The following MECR variants were observed in gnomAD, a reference collection of about 807,000 sequenced individuals.
MECR encodes enoyl-[acyl-carrier-protein] reductase, mitochondrial.
Under a neutral mutation model 49.1 loss-of-function variants are expected in MECR, and 37 were observed. The observed-to-expected ratio is 0.75, with a 90% CI of 0.58 to 0.99. The LOEUF is 0.99. Ranked by LOEUF, MECR falls within the 50% of genes least tolerant of loss-of-function variation. The pLI, the probability that MECR is intolerant of heterozygous loss-of-function variation, is 0.00. For synonymous variants in MECR, 198 were observed against 191.1 expected (o/e 1.04, Z -0.30); for missense variants, 470 against 479.6 (o/e 0.98, Z 0.19).
chr1:29,202,417 C>T (rs573423428), intron 5 of MECR, among the ~76,000 whole-genome samples: 1 of 152,176 alleles, frequency 6.6e-6, no homozygotes, highest in African/African-American at 2.4e-5. Context: ...ACAGTCTAGA[C>T]CAGGAGTGGC....
At chr1:29,208,287 C>T (rs557522349) in intron 3 of MECR, among the ~76,000 whole-genome samples, 10 of 152,310 alleles carry the variant, frequency 6.6e-5, no homozygotes, top group South Asian at 6.2e-4. Flanking sequence ...CCACTGCGCC[C>T]GGCCTGACTC....
the MECR span, among the ~76,000 whole-genome samples, chr1:29,187,211 A>G: frequency 6.6e-6 from 1 of 152,000 alleles, no homozygotes; most frequent in Non-Finnish European, 1.5e-5. Flanking sequence ...TTAACGCAAG[A>G]GCTTTTCTCT....
intron 4 of MECR, among the ~76,000 whole-genome samples, chr1:29,206,130 A>G (rs1676519672): frequency 6.6e-6 from 1 of 152,214 alleles, no homozygotes; most frequent in Non-Finnish European, 1.5e-5. Flanking sequence ...CACTGTGTGA[A>G]GTATTATGCT....
chr1:29,203,553 C>T (rs1675853639), intron 4 of MECR, among the ~76,000 whole-genome samples: 1 of 152,214 alleles, frequency 6.6e-6, no homozygotes, highest in Non-Finnish European at 1.5e-5. Context: ...CAAGTCTTTA[C>T]TTAGGTTATT....
chr1:29,211,568 C>T (rs539556955), intron 3 of MECR, among the ~76,000 whole-genome samples: 1 of 152,348 alleles, frequency 6.6e-6, no homozygotes, highest in African/African-American at 2.4e-5. Flanking sequence ...TTGCAAAGAT[C>T]ATTGCATATA....
the MECR span, chr1:29,181,765 A>G: frequency 1.9e-6 from 3 of 1,567,568 alleles, no homozygotes; most frequent in Non-Finnish European, 2.6e-6. Flanking sequence ...CGGCAACGGC[A>G]GTGATGGCTG....
the MECR span, among the ~76,000 whole-genome samples, chr1:29,180,525 T>C: frequency 5.9e-5 from 9 of 152,228 alleles, no homozygotes; most frequent in African/African-American, 1.9e-4. Context: ...TAGGTAACTT[T>C]CAAAATGTTT....
Position 29,201,933 on chromosome 1 carries a change from T to A in MECR, c.756+10A>T. ...TGGACTGGAGGGGCAATGTCCCTCT[T>A]CCTAGGTACCTTAAAGAAGTTTTTC... On this transcript the variant is annotated intron_variant, in intron 6 of 9. Transcript: ENST00000263702. This position sits in a 1 kb window ranked among gnomAD's most constrained non-coding sequence, Gnocchi z 4.3. 6.2e-7 allele frequency: 1 copy of A among 1,608,128 alleles called. No individual in the cohort carries two copies. The highest frequency in any genetic ancestry group is 8.5e-7 in the Non-Finnish European group (1 of 1,174,502).
At chr1:29,210,480 ACAC>A (rs987636259) in intron 3 of MECR, among the ~76,000 whole-genome samples, 18 of 152,216 alleles carry the variant, frequency 1.2e-4, no homozygotes, top group Non-Finnish European at 2.2e-4. Flanking sequence ...ATCTCAGCTA[ACAC>A]TTACTGTACT....
Position 29,193,741 on chromosome 1 carries a change from G to A in MECR, c.*281C>T. 2.8e-6 allele frequency: 1 copy of A among 355,496 alleles called. No homozygotes were observed. The highest frequency in any genetic ancestry group is 3.9e-5 in the South Asian group (1 of 25,856). The allele number at this position is 355,496 out of a possible 1,614,324, so 22.0% of individuals were successfully genotyped here. A position where few individuals can be genotyped will look rare whatever the true frequency, so the allele number is the denominator to read the frequency against. On this transcript the variant is annotated 3_prime_UTR_variant, in exon 10 of 10. Coordinates refer to ENST00000263702, the MANE Select transcript of MECR (RefSeq NM_016011.5). ...TACTGGGGGAACACATGACAGAAAA[G>A]CAGGAAGGGGGCCTCTTGGTGCTGT...
intron 1 of MECR, among the ~76,000 whole-genome samples, chr1:29,220,333 G>A (rs1178982754): frequency 1.3e-5 from 2 of 152,052 alleles, no homozygotes; most frequent in Non-Finnish European, 2.9e-5. Context: ...CCTGGGAGGT[G>A]GAGGTTGCAA....
chr1:29,223,707 T>A lies in MECR; in HGVS notation c.177-7022A>T, dbSNP rs78408790. Among the ~76,000 whole-genome samples the A allele has an allele frequency of 4.1e-3, 618 of 152,352 alleles. 3 individuals are homozygous for A. The highest frequency in any genetic ancestry group is 0.014 in the African/African-American group (590 of 41,582). ...GTCCCCTGGTCACCAAACTGCCTTC[T>A]GTGATTCAGTGAAATGCCTGGTGTG... is the stretch of plus-strand genomic sequence containing the variant. On this transcript the variant is annotated intron_variant, in intron 1 of 9. Coordinates refer to ENST00000263702, the MANE Select transcript of MECR (RefSeq NM_016011.5).
chr1:29,195,933 G>A lies in MECR; in HGVS notation c.964+8C>T. On this transcript the variant is annotated splice_region_variant and intron_variant, in intron 9 of 9. Coordinates refer to ENST00000263702, the MANE Select transcript of MECR (RefSeq NM_016011.5). ...TCTGTGACTCTTGGCACTGGGCCAT[G>A]CACTCACCTGGACTGTGATCCTTCT... is the stretch of plus-strand genomic sequence containing the variant. 1 of 1,614,118 alleles carries A rather than the reference G, an allele frequency of 6.2e-7. No individual in the cohort carries two copies. Among genetic ancestry groups the A allele is most frequent in the East Asian group, 2.2e-5 (1 of 44,888 alleles).
At chr1:29,187,805 G>C (rs1415782686), downstream of MECR, among the ~76,000 whole-genome samples, 1 of 150,692 alleles carries the variant, frequency 6.6e-6, no homozygotes, top group Non-Finnish European at 1.5e-5. Flanking sequence ...GGGAGGCCCA[G>C]GTGGGTGGAT....
intron 7 of MECR, among the ~76,000 whole-genome samples, chr1:29,197,572 T>A (rs991396003): frequency 6.6e-6 from 1 of 152,282 alleles, no homozygotes; most frequent in Admixed American, 6.5e-5. Context: ...TGATTAAGGA[T>A]GACCTCAGGC....
chr1:29,173,520 G>A, the MECR span: 1 of 123,202 alleles, frequency 8.1e-6, no homozygotes, highest in East Asian at 2.5e-4. Context: ...AGGCTGGAGT[G>A]CAATGGTGCA....
At chr1:29,217,279 G>A (rs1368177080) in intron 1 of MECR, among the ~76,000 whole-genome samples, 1 of 146,658 alleles carries the variant, frequency 6.8e-6, no homozygotes, top group African/African-American at 2.5e-5. Context: ...ACACAATCTC[G>A]GCTCACTAAA....
chr1:29,193,915 T>C lies in MECR; in HGVS notation c.*107A>G. On this transcript the variant is annotated 3_prime_UTR_variant, in exon 10 of 10. Coordinates refer to ENST00000263702, the MANE Select transcript of MECR (RefSeq NM_016011.5). ...CCATCCTCCTAATAGGAAGAGGCAG[T>C]GAGGAGAACAGTAGTCTGGGGAAGG... The C allele has an allele frequency of 3.0e-6, 4 of 1,344,892 alleles. No homozygotes were observed. In the East Asian group the frequency reaches 9.2e-5, roughly 31 times the overall value. The allele number at this position is 1,344,892 out of a possible 1,614,324, so 83.3% of individuals were successfully genotyped here. A position where few individuals can be genotyped will look rare whatever the true frequency, so the allele number is the denominator to read the frequency against.
rs781412081 is a variant in MECR, at chr1:29,201,300, G to T, written c.756+643C>A. 37 of 482,926 alleles carry T rather than the reference G, an allele frequency of 7.7e-5. No homozygotes were observed. Among genetic ancestry groups the T allele is most frequent in the Non-Finnish European group, 1.5e-4 (36 of 240,174 alleles). 29.9% of individuals were successfully genotyped at this position (482,926 alleles called of 1,614,324 possible). On this transcript the variant is annotated intron_variant, in intron 6 of 9. Transcript: ENST00000263702. This position sits in a 1 kb window ranked among gnomAD's most constrained non-coding sequence, Gnocchi z 4.3. ...TGCTTCAGAAATGTTCGCAAGAAGC[G>T]CATGCTCTTGAGTGTGTGTCTTTGG...
Sources: allele counts gnomAD v4.1 joint callset (sites outside exome capture counted in the v4.1 genomes callset), GRCh38; gene constraint gnomAD v4.1.1; non-coding constraint Gnocchi (gnomAD v3.1); transcripts MANE v1.5; gene names NCBI Gene and HGNC (gene_info 2026-07-23, HGNC 2026-07-21).